The following POC5 variants were observed in gnomAD, a reference collection of about 807,000 sequenced individuals.
POC5 encodes the protein centrosomal protein POC5.
A neutral mutation model predicts 62.9 loss-of-function variants in POC5; 48 were observed. The observed-to-expected ratio is 0.76, with a 90% CI of 0.61 to 0.97. POC5 has a LOEUF of 0.97. POC5 is among the 50% of genes least tolerant of loss of function. The probability of loss-of-function intolerance (pLI) is 0.00; values close to 1 mark genes in which losing one functional copy is unlikely to be tolerated. For missense variants in POC5, 696 were observed against 679.5 expected (o/e 1.02, Z -0.27); for synonymous variants, 236 against 228.2 (o/e 1.03, Z -0.31).
intron 10 of POC5, among the ~76,000 whole-genome samples, chr5:75,681,356 C>T (rs1775861745): frequency 6.6e-6 from 1 of 152,100 alleles, no homozygotes; most frequent in African/African-American, 2.4e-5. Context: ...AGAAACTTTA[C>T]TAAAGGTCTT....
chr5:75,713,275 C>T (rs1777424175), intron 1 of POC5, among the ~76,000 whole-genome samples: 1 of 152,190 alleles, frequency 6.6e-6, no homozygotes, highest in Admixed American at 6.5e-5. Flanking sequence ...CTCTAAGACA[C>T]AGAACCAAGA....
intron 6 of POC5, 30 bp from the exon 7 acceptor site, chr5:75,692,530 G>A: frequency 6.8e-7 from 1 of 1,477,000 alleles, no homozygotes; most frequent in East Asian, 2.4e-5. Flanking sequence ...CAATTATTGT[G>A]ATATTAAAAT....
intron 5 of POC5, among the ~76,000 whole-genome samples, chr5:75,695,084 TA>T (rs953583706): frequency 6.6e-6 from 1 of 152,162 alleles, no homozygotes; most frequent in Non-Finnish European, 1.5e-5. Context: ...TGTTGTCACT[TA>T]AAAAAATTTC....
intron 5 of POC5, among the ~76,000 whole-genome samples, chr5:75,699,310 A>T (rs1776758284): frequency 6.6e-6 from 1 of 152,036 alleles, no homozygotes; most frequent in South Asian, 2.1e-4. Flanking sequence ...ATTGATGCAA[A>T]AATCCTCAAC....
chr5:75,689,505 C>T, intron 8 of POC5: 1 of 982,236 alleles, frequency 1.0e-6, no homozygotes, highest in South Asian at 4.7e-5. Context: ...ACATTAAGAG[C>T]CACAGACAGC....
At chr5:75,687,736 G>A (rs149671951) in intron 9 of POC5, among the ~76,000 whole-genome samples, 2,268 of 152,262 alleles carry the variant, frequency 0.015, 20 homozygotes, top group Non-Finnish European at 0.024. Flanking sequence ...ATAAGAAACA[G>A]GTTTCTTGTA....
intron 9 of POC5, among the ~76,000 whole-genome samples, chr5:75,685,759 A>T (rs1174108675): frequency 6.6e-6 from 1 of 152,204 alleles, no homozygotes; most frequent in Non-Finnish European, 1.5e-5. Flanking sequence ...TTATGTACTC[A>T]GCTGGGACCT....
intron 11 of POC5, among the ~76,000 whole-genome samples, chr5:75,675,816 T>A (rs1196013976): frequency 2.0e-5 from 3 of 152,206 alleles, no homozygotes; most frequent in Non-Finnish European, 2.9e-5. Context: ...ACACAAAATA[T>A]GACAGAGAAT....
chr5:75,698,788 T>C (rs1465286277), intron 5 of POC5, among the ~76,000 whole-genome samples: 2 of 151,932 alleles, frequency 1.3e-5, no homozygotes, highest in Non-Finnish European at 2.9e-5. Context: ...AGCTGGTTTT[T>C]TGAAAGGATG....
At position 75,702,536 on chromosome 5, in the gene POC5, G is replaced by GTATAA. The variant is rs1238175274; in HGVS notation, c.513+64_513+68dup. The GTATAA allele has an allele frequency of 1.1e-5, 16 of 1,423,986 alleles. No homozygotes were observed. The Admixed American group carries it at 3.5e-4, about 32-fold the overall frequency. The allele number at this position is 1,423,986 out of a possible 1,614,324, so 88.2% of individuals were successfully genotyped here. A position where few individuals can be genotyped will look rare whatever the true frequency, so the allele number is the denominator to read the frequency against. ...AAGTTTAACTCAAAAAAACAAAACA[G>GTATAA]TATAAATGAGAGTAAAACTATTACA... On this transcript the variant is annotated intron_variant, in intron 5 of 11. Transcript: ENST00000428202.
At chr5:75,712,741 T>G (rs911654363) in intron 2 of POC5, 113 bp downstream of exon 2, 2 of 857,300 alleles carry the variant, frequency 2.3e-6, no homozygotes, top group East Asian at 5.3e-5. Flanking sequence ...TATTATAAAT[T>G]GAAAAACTCC....
chr5:75,707,753 A>G lies in POC5; in HGVS notation c.207T>C (p.Asp69=). Residue 69 remains aspartate, a synonymous_variant, in exon 3 of 12, where the codon GAT becomes GAC. Coordinates refer to ENST00000428202, the MANE Select transcript of POC5 (RefSeq NM_001099271.2). ...ATATATAACCTTGACTATGAAGAAT[A>G]TCATGAATTGTAGAAATTCTGACAT... ...VPDVRISTIH[D]ILHSQGNNSE... is the part of the protein sequence containing the mutation. 1 of 1,544,794 alleles carries G rather than the reference A, an allele frequency of 6.5e-7. No homozygotes were observed. The highest frequency in any genetic ancestry group is 1.7e-4 in the Middle Eastern group (1 of 5,978).
chr5:75,712,216 A>C, intron 2 of POC5: 3 of 920,564 alleles, frequency 3.3e-6, no homozygotes, highest in Non-Finnish European at 4.9e-6. Context: ...TTTCCCCTTG[A>C]GTAATACAAC....
intron 1 of POC5, among the ~76,000 whole-genome samples, chr5:75,713,297 AT>A (rs1213215705): frequency 2.0e-5 from 3 of 152,238 alleles, no homozygotes; most frequent in African/African-American, 7.2e-5. Context: ...AGAACAAACA[AT>A]TTGTGCAAAT....
chr5:75,684,431 T>C (rs542658529), intron 10 of POC5, among the ~76,000 whole-genome samples: 166 of 142,374 alleles, frequency 1.2e-3, no homozygotes, highest in African/African-American at 3.9e-3. Flanking sequence ...AATGGCATCA[T>C]CTTGGCTCAC....
chr5:75,696,869 T>C (rs1406098675), intron 5 of POC5, among the ~76,000 whole-genome samples: 1 of 151,766 alleles, frequency 6.6e-6, no homozygotes, highest in East Asian at 1.9e-4. Context: ...AAGGAGCTGA[T>C]GGAGCTGAAA....
intron 4 of POC5, chr5:75,705,345 A>G (rs1403647746): frequency 1.9e-5 from 3 of 161,270 alleles, no homozygotes; most frequent in Non-Finnish European, 4.0e-5. Context: ...GATAGGATGA[A>G]AATCCTTACA....
At chr5:75,678,210 T>A (rs1775747643) in intron 10 of POC5, among the ~76,000 whole-genome samples, 1 of 152,046 alleles carries the variant, frequency 6.6e-6, no homozygotes, top group Non-Finnish European at 1.5e-5. Flanking sequence ...TTTTAAATGA[T>A]AGATTTATAG....
intron 5 of POC5, among the ~76,000 whole-genome samples, chr5:75,695,863 C>T (rs1042184707): frequency 4.6e-5 from 7 of 152,004 alleles, no homozygotes; most frequent in African/African-American, 9.7e-5. Flanking sequence ...ATGCACCGTG[C>T]GCGAGGTGAA....
Sources: gnomAD v4.1 joint callset for allele counts (sites outside exome capture counted in the v4.1 genomes callset) on GRCh38, gnomAD v4.1.1 for gene constraint, MANE v1.5 for transcripts, NCBI Gene and HGNC (gene_info 2026-07-23, HGNC 2026-07-21) for gene names.